Variants in COL25A1 observed in about 807,000 individuals in gnomAD.
COL25A1 encodes collagen type XXV alpha 1 chain.
Under a neutral mutation model 128.4 loss-of-function variants are expected in COL25A1, and 103 were observed. The observed-to-expected ratio is 0.80, with a 90% CI of 0.68 to 0.94. COL25A1 has a LOEUF of 0.94. Among genes scored for constraint, COL25A1 ranks in the 40% least tolerant of loss-of-function variants. The probability of loss-of-function intolerance (pLI) is 0.00; values close to 1 mark genes in which losing one functional copy is unlikely to be tolerated. For synonymous variants in COL25A1, 279 were observed against 277.2 expected (o/e 1.01, Z -0.06); for missense variants, 745 against 840.0 (o/e 0.89, Z 1.40).
At position 109,108,527 on chromosome 4, in the gene COL25A1, A is replaced by G. The variant is rs3113715; in HGVS notation, c.368-58348T>C. On this transcript the variant is annotated intron_variant, in intron 3 of 37. Transcript: ENST00000399132. ...TGTCTTTATAGCAGCATGATTTATA[A>G]TCCTTTGGGTATATACCTAGTAATG... Among the ~76,000 whole-genome samples the G allele has an allele frequency of 6.6e-4, 101 of 152,176 alleles. 1 individual carries two copies. Among genetic ancestry groups the G allele is most frequent in the African/African-American group, 2.3e-3 (96 of 41,510 alleles).
intron 26 of COL25A1, among the ~76,000 whole-genome samples, chr4:108,850,736 A>G (rs567473973): frequency 1.3e-5 from 2 of 152,230 alleles, no homozygotes; most frequent in Admixed American, 1.3e-4. Context: ...TAGTATCCTT[A>G]CTAGATATTA....
chr4:109,142,735 CT>C (rs973817703), intron 3 of COL25A1, among the ~76,000 whole-genome samples: 3 of 150,282 alleles, frequency 2.0e-5, no homozygotes, highest in African/African-American at 2.4e-5. Context: ...GCAATCCCTG[CT>C]TTTTTTTTGC....
At chr4:108,917,067 T>C (rs989674597) in intron 13 of COL25A1, among the ~76,000 whole-genome samples, 1 of 152,188 alleles carries the variant, frequency 6.6e-6, no homozygotes, top group African/African-American at 2.4e-5. Flanking sequence ...TAACTCTCAT[T>C]GACTCTATTA....
chr4:108,832,270 TA>T (rs1733213563), intron 32 of COL25A1, 109 bp downstream of exon 32: 6 of 719,092 alleles, frequency 8.3e-6, no homozygotes, highest in Non-Finnish European at 1.4e-5. Flanking sequence ...TTTTATTTAA[TA>T]TTAGATAGCC....
intron 3 of COL25A1, among the ~76,000 whole-genome samples, chr4:109,267,639 C>A (rs1220268091): frequency 6.6e-6 from 1 of 151,996 alleles, no homozygotes; most frequent in African/African-American, 2.4e-5. Flanking sequence ...ATCCCTAATC[C>A]AAAAATCTGA....
chr4:109,078,241 C>T lies in COL25A1; in HGVS notation c.368-28062G>A, dbSNP rs374786438. On this transcript the variant is annotated intron_variant, in intron 3 of 37. Coordinates refer to ENST00000399132, the MANE Select transcript of COL25A1 (RefSeq NM_198721.4). The stretch of plus-strand genomic sequence containing the variant: ...TGTTGAAGGTTTTTGTTTTGCTTTG[C>T]TTTTTAAATAAGAGTCAGGGATCTT... 2.1e-4 allele frequency among the ~76,000 whole-genome samples: 32 copies of T among 152,266 alleles called. No individual in the cohort carries two copies. The East Asian group carries it at 4.8e-3, about 23-fold the overall frequency.
intron 8 of COL25A1, among the ~76,000 whole-genome samples, chr4:108,964,418 T>C (rs1384263382): frequency 7.3e-6 from 1 of 136,684 alleles, no homozygotes; most frequent in Non-Finnish European, 1.7e-5. Context: ...CTTACTTTCA[T>C]ATATTTTGTA....
At chr4:109,245,112 T>C (rs2126235620) in intron 3 of COL25A1, among the ~76,000 whole-genome samples, 1 of 152,284 alleles carries the variant, frequency 6.6e-6, no homozygotes, top group Middle Eastern at 3.4e-3. Context: ...TATTATATAC[T>C]TTATTATCTA....
intron 3 of COL25A1, among the ~76,000 whole-genome samples, chr4:109,238,543 G>A (rs976528421): frequency 6.6e-6 from 1 of 152,014 alleles, no homozygotes; most frequent in African/African-American, 2.4e-5. Context: ...TGTCCTTGCA[G>A]TACCAGGTAT....
chr4:109,223,026 G>A (rs1024230137), intron 3 of COL25A1, among the ~76,000 whole-genome samples: 6 of 152,124 alleles, frequency 3.9e-5, no homozygotes, highest in Non-Finnish European at 7.4e-5. Flanking sequence ...CTCGCCCTCA[G>A]CTATATCACA....
At chr4:108,963,146 T>G (rs1750919348) in intron 8 of COL25A1, among the ~76,000 whole-genome samples, 1 of 152,236 alleles carries the variant, frequency 6.6e-6, no homozygotes, top group African/African-American at 2.4e-5. Context: ...CCACCCATTC[T>G]GAAGGGAAGA....
intron 5 of COL25A1, among the ~76,000 whole-genome samples, chr4:109,044,645 G>A (rs962888805): frequency 2.6e-5 from 4 of 152,094 alleles, no homozygotes; most frequent in African/African-American, 9.7e-5. Flanking sequence ...GGAAGTTTGA[G>A]AAATTTACTC....
intron 5 of COL25A1, among the ~76,000 whole-genome samples, chr4:109,044,653 C>T (rs1295120369): frequency 6.6e-6 from 1 of 152,114 alleles, no homozygotes; most frequent in Non-Finnish European, 1.5e-5. Context: ...GAGAAATTTA[C>T]TCGATGTAGG....
At chr4:108,819,788 G>T in intron 35 of COL25A1, 1 of 1,174,460 alleles carries the variant, frequency 8.5e-7, no homozygotes, top group Non-Finnish European at 1.1e-6. Flanking sequence ...AACATCTGGA[G>T]ACAGTTCCAC....
intron 12 of COL25A1, among the ~76,000 whole-genome samples, chr4:108,918,639 G>T (rs143445345): frequency 3.5e-4 from 53 of 152,282 alleles, no homozygotes; most frequent in Non-Finnish European, 7.2e-4. Flanking sequence ...CATTTGTTCC[G>T]CAGTTAAATA....
intron 5 of COL25A1, among the ~76,000 whole-genome samples, chr4:109,018,977 T>C (rs1449428740): frequency 2.0e-5 from 3 of 152,122 alleles, no homozygotes; most frequent in Admixed American, 2.0e-4. Flanking sequence ...AGTGTGATGG[T>C]TAATAGGGAG....
At chr4:108,895,907 TTA>T (rs1256790169) in intron 16 of COL25A1, among the ~76,000 whole-genome samples, 9 of 151,538 alleles carry the variant, frequency 5.9e-5, no homozygotes, top group Non-Finnish European at 1.0e-4. Flanking sequence ...CCAAAGTCCA[TTA>T]TATATCATTC....
At chr4:109,277,198 G>T (rs1722931873) in intron 3 of COL25A1, among the ~76,000 whole-genome samples, 1 of 152,030 alleles carries the variant, frequency 6.6e-6, no homozygotes, top group South Asian at 2.1e-4. Flanking sequence ...CCTTCTCCTT[G>T]TATCCCTCTC....
At position 108,838,013 on chromosome 4, in the gene COL25A1, A is replaced by G. The variant is rs1003437347; in HGVS notation, c.1656+3682T>C. 6.6e-6 allele frequency: 6 copies of G among 907,976 alleles called. No homozygotes were observed. The African/African-American group carries it at 9.9e-5, about 15-fold the overall frequency. 56.2% of individuals were successfully genotyped at this position (907,976 alleles called of 1,614,324 possible). A position where few individuals can be genotyped will look rare whatever the true frequency, so the allele number is the denominator to read the frequency against. On this transcript the variant is annotated intron_variant, in intron 31 of 37. Transcript: ENST00000399132. ...TAATTACAGAAACCTCAACAGTACG[A>G]GCTGCTGAGTAAACCAGAGTTATCA...
Sources: allele counts gnomAD v4.1 joint callset (sites outside exome capture counted in the v4.1 genomes callset), GRCh38; gene constraint gnomAD v4.1.1; transcripts MANE v1.5; gene names NCBI Gene and HGNC (gene_info 2026-07-23, HGNC 2026-07-21).